Variants in KLHDC4 observed in about 807,000 individuals in gnomAD.
KLHDC4 encodes the protein kelch domain-containing protein 4.
In KLHDC4, 90 loss-of-function variants were observed where a neutral mutation model predicts 62.4. The ratio of observed to expected loss-of-function variants is 1.44; its 90% confidence interval spans 1.22 to 1.72. The LOEUF is 1.72. KLHDC4 is among the 40% of genes most tolerant of loss of function. The probability of loss-of-function intolerance (pLI) is 0.00; values close to 1 mark genes in which losing one functional copy is unlikely to be tolerated. For synonymous variants in KLHDC4, 386 were observed against 284.4 expected, an observed-to-expected ratio of 1.36 and a Z score of -3.59; for missense variants, 1,025 against 699.7, an observed-to-expected ratio of 1.47 and a Z score of -5.25.
At chr16:87,719,829 A>T (rs2037897739) in intron 7 of KLHDC4, among the ~76,000 whole-genome samples, 1 of 152,236 alleles carries the variant, frequency 6.6e-6, no homozygotes, top group Non-Finnish European at 1.5e-5. Context: ...TGAGCGCAAC[A>T]GGGCTGGCTC....
chr16:87,707,356 C>T (rs1240626047), downstream of KLHDC4, among the ~76,000 whole-genome samples: 1 of 152,194 alleles, frequency 6.6e-6, no homozygotes, highest in Admixed American at 6.5e-5. Flanking sequence ...ACCCTAAACC[C>T]GACTGGGACA....
Position 87,709,406 on chromosome 16 carries a change from T to C in KLHDC4, c.1306A>G (p.Met436Val), listed in dbSNP as rs773210558. The C allele has an allele frequency of 3.7e-5, 59 of 1,613,192 alleles. No individual in the cohort carries two copies. Among genetic ancestry groups the C allele is most frequent in the Non-Finnish European group, 4.9e-5 (58 of 1,179,938 alleles). Residue 436 changes from methionine (M) to valine (V), a missense_variant, in exon 10 of 12, where the codon ATG becomes GTG. Met to Val is a conservative substitution (Grantham distance 21). Coordinates refer to ENST00000270583, the MANE Select transcript of KLHDC4 (RefSeq NM_017566.4). ...APGPCPRSNA[M>V]LAVKHGVLYV... ...AGCACCCCATGCTTCACAGCCAGCATGGCGTTGGAGCGTGGACACGGCCCA... is the reference window on the plus strand; with the variant it reads ...AGCACCCCATGCTTCACAGCCAGCACGGCGTTGGAGCGTGGACACGGCCCA...
At chr16:87,726,956 G>T (rs748131441) in intron 6 of KLHDC4, 32 bp from the exon 7 acceptor site, 1 of 1,607,736 alleles carries the variant, frequency 6.2e-7, no homozygotes, top group Admixed American at 1.7e-5. Flanking sequence ...GTCAGGGTCC[G>T]TAACATTGGG....
At chr16:87,753,989 A>AAC (rs2044451692) in intron 4 of KLHDC4, among the ~76,000 whole-genome samples, 1 of 150,240 alleles carries the variant, frequency 6.7e-6, no homozygotes, top group African/African-American at 2.5e-5. Flanking sequence ...AAAAAAAAAA[A>AAC]AGTAGCCGGA....
intron 7 of KLHDC4, among the ~76,000 whole-genome samples, chr16:87,718,866 G>C (rs149939177): frequency 6.7e-6 from 1 of 149,666 alleles, no homozygotes; most frequent in Non-Finnish European, 1.5e-5. Flanking sequence ...GAGTGCCTCT[G>C]TCCGGCCGCG....
intron 5 of KLHDC4, among the ~76,000 whole-genome samples, chr16:87,736,295 AAC>A (rs1342954176): frequency 6.6e-6 from 1 of 152,208 alleles, no homozygotes; most frequent in Non-Finnish European, 1.5e-5. Flanking sequence ...GGGAAGTAAA[AAC>A]ACAGTCTGAT....
intron 5 of KLHDC4, among the ~76,000 whole-genome samples, chr16:87,743,222 C>G (rs999186828): frequency 6.6e-6 from 1 of 152,186 alleles, no homozygotes; most frequent in African/African-American, 2.4e-5. Flanking sequence ...CCTCCCACCC[C>G]AGCCTCCCAA....
chr16:87,724,107 G>A (rs1254712118), intron 7 of KLHDC4, among the ~76,000 whole-genome samples: 1 of 152,126 alleles, frequency 6.6e-6, no homozygotes, highest in African/African-American at 2.4e-5. Flanking sequence ...CAAAGTGCTG[G>A]GATTACAGGC....
intron 6 of KLHDC4, among the ~76,000 whole-genome samples, chr16:87,727,305 G>A (rs1453166738): frequency 6.6e-6 from 1 of 152,200 alleles, no homozygotes; most frequent in East Asian, 1.9e-4. Flanking sequence ...AAGCCATACT[G>A]CGTTTTCTTA....
intron 1 of KLHDC4, 136 bp from the exon 2 acceptor site, chr16:87,762,176 G>C: frequency 6.8e-7 from 1 of 1,470,726 alleles, no homozygotes; most frequent in Non-Finnish European, 9.0e-7. Flanking sequence ...TACTGTGCCT[G>C]TTTGAAATGC....
At chr16:87,728,908 G>C (rs996869925) in intron 6 of KLHDC4, among the ~76,000 whole-genome samples, 3 of 152,082 alleles carry the variant, frequency 2.0e-5, no homozygotes, top group African/African-American at 7.2e-5. Flanking sequence ...CCGAGTGCCT[G>C]GGATTAAAGG....
At position 87,722,340 on chromosome 16, in the gene KLHDC4, C is replaced by T. The variant is rs565725599; in HGVS notation, c.759+4425G>A. ...ATGCATCTCCTGAGGGAGCCTGGGA[C>T]GGGATCTGGTTACAGGAGGAGGAAG... On this transcript the variant is annotated intron_variant, in intron 7 of 11. Coordinates refer to ENST00000270583, the MANE Select transcript of KLHDC4 (RefSeq NM_017566.4). 4.6e-5 allele frequency among the ~76,000 whole-genome samples: 7 copies of T among 152,276 alleles called. No individual in the cohort carries two copies. The South Asian group carries it at 1.2e-3, about 27-fold the overall frequency.
At chr16:87,722,196 GCTGGACCCAGA>G (rs1391019761) in intron 7 of KLHDC4, among the ~76,000 whole-genome samples, 1 of 152,230 alleles carries the variant, frequency 6.6e-6, no homozygotes, top group African/African-American at 2.4e-5. Context: ...CAAAGCACTA[GCTGGACCCAGA>G]CTGACTCGGA....
chr16:87,765,914 G>A lies in KLHDC4; in HGVS notation c.-24C>T, dbSNP rs2046600375. The A allele has an allele frequency of 6.5e-7, 1 of 1,548,796 alleles. No homozygotes were observed. Among genetic ancestry groups the A allele is most frequent in the Non-Finnish European group, 8.7e-7 (1 of 1,145,412 alleles). On this transcript the variant is annotated 5_prime_UTR_variant, in exon 1 of 12. Coordinates refer to ENST00000270583, the MANE Select transcript of KLHDC4 (RefSeq NM_017566.4). Reference sequence around the variant, plus strand: ...ATCTTGCCGGGTCCCAAGCCGCGACGGGACACCAGGAAAGAAAACGGCCCG... The same window carrying A: ...ATCTTGCCGGGTCCCAAGCCGCGACAGGACACCAGGAAAGAAAACGGCCCG...
At chr16:87,738,375 ACAC>A (rs976437074) in intron 5 of KLHDC4, among the ~76,000 whole-genome samples, 17 of 152,054 alleles carry the variant, frequency 1.1e-4, no homozygotes, top group Middle Eastern at 3.4e-3. Flanking sequence ...ACACACACAC[ACAC>A]ATCTATATCT....
chr16:87,746,423 G>A lies in KLHDC4; in HGVS notation c.506+2250C>T, dbSNP rs139801976. ...AGAAAGAGAGTGAGAGAAAGATTAA[G>A]CGCACACCCTCCATTCCCTGACCTC... is the stretch of plus-strand genomic sequence containing the variant. On this transcript the variant is annotated intron_variant, in intron 5 of 11. Transcript: ENST00000270583. Among the ~76,000 whole-genome samples the A allele has an allele frequency of 3.4e-3, 511 of 152,148 alleles. 5 individuals are homozygous for A. The highest frequency in any genetic ancestry group is 0.012 in the African/African-American group (493 of 41,486).
intron 5 of KLHDC4, among the ~76,000 whole-genome samples, chr16:87,743,748 T>A (rs1039332117): frequency 6.6e-6 from 1 of 151,144 alleles, no homozygotes; most frequent in Non-Finnish European, 1.5e-5. Context: ...TCAAAAAAAA[T>A]AAAAATAAAA....
Position 87,755,259 on chromosome 16 carries a change from T to C in KLHDC4, c.304A>G (p.Thr102Ala), listed in dbSNP as rs1306499094. The change falls in exon 4 of 12, where the codon ACC becomes GCC. Residue 102 changes from threonine to alanine, a missense_variant. Coordinates refer to ENST00000270583, the MANE Select transcript of KLHDC4 (RefSeq NM_017566.4). ...ACTTTGGTCCAGGTGTCCTTTCTGGTATTGTAGACATAGAGCTCGTTATAC... is the reference window on the plus strand; with the variant it reads ...ACTTTGGTCCAGGTGTCCTTTCTGGCATTGTAGACATAGAGCTCGTTATAC... Reference protein sequence around the residue: ...FLYNELYVYNTRKDTWTKVDI... With the variant: ...FLYNELYVYNARKDTWTKVDI... 2.5e-6 allele frequency: 4 copies of C among 1,607,856 alleles called. No individual in the cohort carries two copies. Among genetic ancestry groups the C allele is most frequent in the Admixed American group, 1.7e-5 (1 of 59,926 alleles).
intron 5 of KLHDC4, among the ~76,000 whole-genome samples, chr16:87,733,283 G>A (rs569747295): frequency 6.6e-6 from 1 of 152,252 alleles, no homozygotes; most frequent in Non-Finnish European, 1.5e-5. Flanking sequence ...GAGCAGGCGT[G>A]ACTTTCACAA....
Sources: gnomAD v4.1 joint callset for allele counts (sites outside exome capture counted in the v4.1 genomes callset) on GRCh38, gnomAD v4.1.1 for gene constraint, MANE v1.5 for transcripts, NCBI Gene and HGNC (gene_info 2026-07-23, HGNC 2026-07-21) for gene names.